PRKG1: variants seen among roughly 807,000 people sequenced by gnomAD.
PRKG1 encodes the protein protein kinase cGMP-dependent 1.
A neutral mutation model predicts 88.1 loss-of-function variants in PRKG1; 35 were observed. That is an observed-to-expected ratio of 0.40 (90% confidence interval 0.30 to 0.53). The LOEUF (loss-of-function observed/expected upper bound fraction) is 0.53, where lower values mean the gene tolerates loss of function less well. Ranked by LOEUF, PRKG1 falls within the 20% of genes least tolerant of loss-of-function variation. The pLI is 0.59. For synonymous variants in PRKG1, 303 were observed against 292.5 expected, an observed-to-expected ratio of 1.04 and a Z score of -0.37; for missense variants, 540 against 839.8, an observed-to-expected ratio of 0.64 and a Z score of 4.41.
Position 51,796,147 on chromosome 10 carries a change from C to T in PRKG1, c.593-8438C>T, listed in dbSNP as rs546859464. Among the ~76,000 whole-genome samples the T allele has an allele frequency of 1.1e-3, 168 of 152,150 alleles. 1 individual carries two copies. Among genetic ancestry groups the T allele is most frequent in the African/African-American group, 3.9e-3 (161 of 41,544 alleles). The stretch of plus-strand genomic sequence containing the variant: ...CAATTCAGAGTATATTTGATGAATT[C>T]TCACTTTGTTATATTCCAAGGAACA... On this transcript the variant is annotated intron_variant, in intron 3 of 17. Transcript: ENST00000373980.
chr10:51,804,271 G>A (rs1355682681), intron 3 of PRKG1, among the ~76,000 whole-genome samples: 1 of 151,844 alleles, frequency 6.6e-6, no homozygotes, highest in Non-Finnish European at 1.5e-5. Flanking sequence ...TTCATATATA[G>A]CCTTGATTTA....
intron 3 of PRKG1, among the ~76,000 whole-genome samples, chr10:51,737,091 A>T (rs956054937): frequency 2.5e-4 from 38 of 152,230 alleles, no homozygotes; most frequent in Admixed American, 2.4e-3. Flanking sequence ...TATCAAGTAC[A>T]CTTTCAGCCT....
At chr10:51,839,832 G>T (rs1055519046) in intron 4 of PRKG1, among the ~76,000 whole-genome samples, 1 of 152,150 alleles carries the variant, frequency 6.6e-6, no homozygotes, top group Non-Finnish European at 1.5e-5. Flanking sequence ...GTGAGGAATT[G>T]CTCCCCAGTA....
intron 3 of PRKG1, among the ~76,000 whole-genome samples, chr10:51,655,284 A>G (rs1039194651): frequency 1.3e-5 from 2 of 152,184 alleles, no homozygotes; most frequent in African/African-American, 4.8e-5. Context: ...TATTAAAAAT[A>G]TACTGGTTAT....
At chr10:51,526,183 C>T (rs1589046388) in intron 3 of PRKG1, among the ~76,000 whole-genome samples, 1 of 152,200 alleles carries the variant, frequency 6.6e-6, no homozygotes, top group South Asian at 2.1e-4. Context: ...ATAAGAAAAA[C>T]ATACAAATCC....
intron 5 of PRKG1, among the ~76,000 whole-genome samples, chr10:52,049,799 T>C (rs973064445): frequency 2.6e-5 from 4 of 152,060 alleles, no homozygotes; most frequent in Non-Finnish European, 4.4e-5. Flanking sequence ...CTACCTCATT[T>C]GTGCAATTAG....
chr10:51,546,434 T>C (rs1457387563), intron 3 of PRKG1, among the ~76,000 whole-genome samples: 1 of 152,106 alleles, frequency 6.6e-6, no homozygotes, highest in African/African-American at 2.4e-5. Context: ...TTTATCCTCT[T>C]GTACGTAATA....
chr10:51,839,454 T>C (rs193253681), intron 4 of PRKG1, among the ~76,000 whole-genome samples: 24 of 152,262 alleles, frequency 1.6e-4, no homozygotes, highest in African/African-American at 5.3e-4. Flanking sequence ...TCAAAGCTTG[T>C]ATTTAGAATA....
chr10:51,670,929 T>C (rs1242624462), intron 3 of PRKG1, among the ~76,000 whole-genome samples: 3 of 152,032 alleles, frequency 2.0e-5, no homozygotes, highest in South Asian at 2.1e-4. Flanking sequence ...TATTTTGCTC[T>C]ATTTTTTTTA....
intron 6 of PRKG1, among the ~76,000 whole-genome samples, chr10:52,057,422 C>T (rs1434700663): frequency 2.0e-5 from 3 of 152,168 alleles, no homozygotes; most frequent in East Asian, 1.9e-4. Context: ...TCAATCACTC[C>T]GTTCCAGTTG....
In PRKG1 at chr10:51,601,193, A is replaced by G. The variant is rs963534124; in HGVS notation, c.592+133357A>G. ...TTACTTGTTCACAGTTGTATTCCCAACTTCTTGGGGAAGGGAATGTTTGGG... is the reference window on the plus strand; with the variant it reads ...TTACTTGTTCACAGTTGTATTCCCAGCTTCTTGGGGAAGGGAATGTTTGGG... On this transcript the variant is annotated intron_variant, in intron 3 of 17. Transcript: ENST00000373980. Among the ~76,000 whole-genome samples the G allele has an allele frequency of 2.6e-5, 4 of 152,266 alleles. No homozygotes were observed. The East Asian group carries it at 5.8e-4, about 22-fold the overall frequency.
intron 5 of PRKG1, among the ~76,000 whole-genome samples, chr10:52,025,390 A>G (rs571704336): frequency 6.6e-6 from 1 of 152,202 alleles, no homozygotes; most frequent in African/African-American, 2.4e-5. Context: ...TTTAGTCATG[A>G]AGTCCTTGCC....
At chr10:51,476,836 C>G (rs1209244604) in intron 3 of PRKG1, among the ~76,000 whole-genome samples, 2 of 151,970 alleles carry the variant, frequency 1.3e-5, no homozygotes, top group African/African-American at 4.8e-5. Flanking sequence ...TTGAAGACCA[C>G]TTTTCTAGTT....
chr10:51,024,666 G>A (rs547030417), intron 1 of PRKG1, among the ~76,000 whole-genome samples: 2 of 152,274 alleles, frequency 1.3e-5, no homozygotes, highest in East Asian at 1.9e-4. Context: ...AGGCTGTACA[G>A]GAAGCATGGC....
chr10:52,263,578 AT>A lies in PRKG1; in HGVS notation c.1174-7756del, dbSNP rs60167378. Among the ~76,000 whole-genome samples, 622 of 140,166 alleles carry A rather than the reference AT, an allele frequency of 4.4e-3. 2 individuals are homozygous for A. Among genetic ancestry groups the A allele is most frequent in the Middle Eastern group, 0.011 (3 of 280 alleles). The allele number at this position is 140,166 out of a possible 152,430, so 92.0% of individuals were successfully genotyped here. The stretch of plus-strand genomic sequence containing the variant: ...AATACTCTCCATTCCAATCTCCAGG[AT>A]TTTTTTTTTTTTTTTGAGACAGGGT... On this transcript the variant is annotated intron_variant, in intron 10 of 17. Coordinates refer to ENST00000373980, the MANE Select transcript of PRKG1 (RefSeq NM_006258.4).
chr10:52,268,955 G>A lies in PRKG1; in HGVS notation c.1174-2395G>A, dbSNP rs79452814. On this transcript the variant is annotated intron_variant, in intron 10 of 17. Transcript: ENST00000373980. Reference sequence around the variant, plus strand: ...CTCAGAGCAGTTAAGCAACTAGCCCGAGAGAGACTAGTTGCTTAGACTGAG... The same window carrying A: ...CTCAGAGCAGTTAAGCAACTAGCCCAAGAGAGACTAGTTGCTTAGACTGAG... 4.8e-3 allele frequency among the ~76,000 whole-genome samples: 726 copies of A among 151,934 alleles called. 3 individuals carry two copies. Among genetic ancestry groups the A allele is most frequent in the African/African-American group, 0.014 (596 of 41,460 alleles).
At chr10:51,408,792 G>A (rs1588927086) in intron 2 of PRKG1, among the ~76,000 whole-genome samples, 1 of 152,210 alleles carries the variant, frequency 6.6e-6, no homozygotes, top group Admixed American at 6.5e-5. Flanking sequence ...GGGGAAAGTG[G>A]CTGAGTGGTG....
chr10:52,189,498 G>A (rs920874307), intron 9 of PRKG1, among the ~76,000 whole-genome samples: 19 of 152,182 alleles, frequency 1.2e-4, no homozygotes, highest in African/African-American at 4.3e-4. Flanking sequence ...TCAGATCCGC[G>A]GCATTAGATT....
intron 3 of PRKG1, chr10:51,698,190 C>T: frequency 1.2e-6 from 2 of 1,614,154 alleles, no homozygotes; most frequent in Non-Finnish European, 1.7e-6. Context: ...CCTCTTGCAT[C>T]CATGCCCCTT....
Sources: gnomAD v4.1 joint callset for allele counts (sites outside exome capture counted in the v4.1 genomes callset) on GRCh38, gnomAD v4.1.1 for gene constraint, MANE v1.5 for transcripts, NCBI Gene and HGNC (gene_info 2026-07-23, HGNC 2026-07-21) for gene names.